SUPT3H: variants seen among roughly 807,000 people sequenced by gnomAD.
SUPT3H encodes the protein SPT3 homolog, SAGA and STAGA complex component.
Under a neutral mutation model 44.3 loss-of-function variants are expected in SUPT3H, and 44 were observed. The ratio of observed to expected loss-of-function variants is 0.99; its 90% CI spans 0.78 to 1.28. The LOEUF (loss-of-function observed/expected upper bound fraction) is 1.28, where lower values mean the gene tolerates loss of function less well. Ranked by LOEUF, SUPT3H falls within the 50% of genes most tolerant of loss-of-function variation. The pLI, the probability that SUPT3H is intolerant of heterozygous loss-of-function variation, is 0.00. For missense variants in SUPT3H, 380 were observed against 387.1 expected (o/e 0.98, Z 0.15); for synonymous variants, 124 against 125.6 (o/e 0.99, Z 0.09).
chr6:44,950,811 T>TC, intron 9 of SUPT3H, among the ~76,000 whole-genome samples: 1 of 149,900 alleles, frequency 6.7e-6, no homozygotes, highest in Non-Finnish European at 1.5e-5. Flanking sequence ...TTTTTTTTTT[T>TC]CCTCTTGTTT....
Position 45,242,340 on chromosome 6 carries a change from G to A in SUPT3H, c.101+122861C>T, listed in dbSNP as rs150437179. 1.0e-3 allele frequency among the ~76,000 whole-genome samples: 155 copies of A among 152,298 alleles called. 2 individuals carry two copies. Among genetic ancestry groups the A allele is most frequent in the African/African-American group, 3.6e-3 (148 of 41,562 alleles). On this transcript the variant is annotated intron_variant, in intron 2 of 10. Coordinates refer to ENST00000371459, the MANE Select transcript of SUPT3H (RefSeq NM_003599.4). ...GGCAACTGAAGTGCCTAAGTGTACC[G>A]AAGAGATAGTATTTCACCAAGAAAG... is the stretch of plus-strand genomic sequence containing the variant.
chr6:45,047,746 C>T (rs1364353167), intron 3 of SUPT3H, among the ~76,000 whole-genome samples: 1 of 152,128 alleles, frequency 6.6e-6, no homozygotes, highest in African/African-American at 2.4e-5. Context: ...CACATCCTCT[C>T]AAACACTTCA....
At chr6:45,101,757 C>T (rs2153569054) in intron 3 of SUPT3H, among the ~76,000 whole-genome samples, 1 of 151,858 alleles carries the variant, frequency 6.6e-6, no homozygotes, top group South Asian at 2.1e-4. Flanking sequence ...CACTGTGCCC[C>T]ATAAATATGT....
chr6:45,177,288 C>A (rs560168348), intron 2 of SUPT3H, among the ~76,000 whole-genome samples: 1 of 149,768 alleles, frequency 6.7e-6, no homozygotes, highest in South Asian at 2.1e-4. Flanking sequence ...GCCTCAGGAG[C>A]CAATGCGATC....
chr6:45,288,531 ATGTG>A (rs141680515), intron 2 of SUPT3H, among the ~76,000 whole-genome samples: 698 of 30,662 alleles, frequency 0.023, 5 homozygotes, highest in Non-Finnish European at 0.052. Context: ...AAGAGATACA[ATGTG>A]TGTGTGTGTG....
intron 2 of SUPT3H, among the ~76,000 whole-genome samples, chr6:45,290,231 T>C (rs2149857767): frequency 6.6e-6 from 1 of 152,204 alleles, no homozygotes; most frequent in African/African-American, 2.4e-5. Context: ...ACAAATTCAA[T>C]CTAAATTTTA....
intron 10 of SUPT3H, among the ~76,000 whole-genome samples, chr6:44,905,337 G>A (rs576225466): frequency 2.7e-4 from 41 of 152,068 alleles, no homozygotes; most frequent in African/African-American, 8.7e-4. Flanking sequence ...AAAACAAACA[G>A]CCCCATCAAA....
chr6:45,231,543 T>C (rs1204744562), intron 2 of SUPT3H, among the ~76,000 whole-genome samples: 2 of 152,182 alleles, frequency 1.3e-5, no homozygotes, highest in Non-Finnish European at 2.9e-5. Context: ...TCACTGACTT[T>C]AGGCAATTTC....
At chr6:44,819,416 A>G (rs1453500261) in intron 11 of SUPT3H, among the ~76,000 whole-genome samples, 2 of 152,040 alleles carry the variant, frequency 1.3e-5, no homozygotes, top group African/African-American at 2.4e-5. Context: ...TTCATTTGTC[A>G]GAAGTCACTA....
rs1343295032 is a variant in SUPT3H, at chr6:45,322,879, C to T, written c.101+42322G>A. 3.7e-6 allele frequency: 6 copies of T among 1,611,938 alleles called. No individual in the cohort carries two copies. In the South Asian group the frequency reaches 5.5e-5, roughly 15 times the overall value. On this transcript the variant is annotated intron_variant, in intron 2 of 10. Transcript: ENST00000371459. ...TGGCACTGGAGAGCCTCTGTCTCAC[C>T]TGTCAAAGTTGAAGAACGTTGTTCC...
intron 2 of SUPT3H, among the ~76,000 whole-genome samples, chr6:45,213,498 G>A (rs368295849): frequency 1.7e-4 from 26 of 151,924 alleles, no homozygotes; most frequent in African/African-American, 6.0e-4. Context: ...ATTCTTCATT[G>A]GCAAAGATAA....
intron 10 of SUPT3H, among the ~76,000 whole-genome samples, chr6:44,892,145 C>T (rs1763403418): frequency 1.3e-5 from 2 of 152,120 alleles, no homozygotes; most frequent in South Asian, 2.1e-4. Context: ...CTGCTATGGA[C>T]TGAACTGTAT....
At chr6:45,211,756 G>A (rs1173691323) in intron 2 of SUPT3H, among the ~76,000 whole-genome samples, 3 of 152,052 alleles carry the variant, frequency 2.0e-5, no homozygotes, top group Non-Finnish European at 4.4e-5. Context: ...GGCTGAAGCA[G>A]GAGAATCACT....
At chr6:45,209,731 G>A (rs1276459570) in intron 2 of SUPT3H, among the ~76,000 whole-genome samples, 2 of 152,230 alleles carry the variant, frequency 1.3e-5, no homozygotes, top group African/African-American at 4.8e-5. Context: ...CAAGGTTTGA[G>A]AGAACTGAAT....
At chr6:45,008,050 T>C (rs963262080) in intron 5 of SUPT3H, among the ~76,000 whole-genome samples, 3 of 152,204 alleles carry the variant, frequency 2.0e-5, no homozygotes, top group Non-Finnish European at 4.4e-5. Flanking sequence ...TTCCTTTATA[T>C]GAATATTCCA....
chr6:45,235,822 C>T (rs1339982450), intron 2 of SUPT3H, among the ~76,000 whole-genome samples: 1 of 152,086 alleles, frequency 6.6e-6, no homozygotes, highest in Non-Finnish European at 1.5e-5. Flanking sequence ...TTCATGATGG[C>T]CATGACTCCC....
At chr6:45,082,344 A>G (rs1795924018) in intron 3 of SUPT3H, among the ~76,000 whole-genome samples, 1 of 152,114 alleles carries the variant, frequency 6.6e-6, no homozygotes. Context: ...CAACAACAAC[A>G]AAAAGAAAAC....
intron 10 of SUPT3H, among the ~76,000 whole-genome samples, chr6:44,894,915 A>C (rs75274590): frequency 6.6e-6 from 1 of 151,754 alleles, no homozygotes; most frequent in Non-Finnish European, 1.5e-5. Flanking sequence ...TTTTGTTTAA[A>C]AGAGTTCTTA....
intron 2 of SUPT3H, among the ~76,000 whole-genome samples, chr6:45,245,414 C>T (rs1771164104): frequency 6.6e-6 from 1 of 152,070 alleles, no homozygotes; most frequent in African/African-American, 2.4e-5. Context: ...TCATACCAAG[C>T]TGAAACTCCA....
Sources: gnomAD v4.1 joint callset for allele counts (sites outside exome capture counted in the v4.1 genomes callset) on GRCh38, gnomAD v4.1.1 for gene constraint, MANE v1.5 for transcripts, NCBI Gene and HGNC (gene_info 2026-07-23, HGNC 2026-07-21) for gene names.